EFR3A: variants seen among roughly 807,000 people sequenced by gnomAD.
The protein encoded by EFR3A is EFR3 homolog A, also known as protein EFR3 homolog A.
A neutral mutation model predicts 104.4 loss-of-function variants in EFR3A; 76 were observed. The observed-to-expected ratio is 0.73, with a 90% confidence interval of 0.60 to 0.88. The LOEUF (loss-of-function observed/expected upper bound fraction) is 0.88. Among genes scored for constraint, EFR3A ranks in the 40% least tolerant of loss-of-function variants. The pLI is 0.00. For synonymous variants in EFR3A, 330 were observed against 330.0 expected (o/e 1.00, Z 0.00); for missense variants, 985 against 1,012.5 (o/e 0.97, Z 0.37).
In EFR3A at chr8:131,970,548, A is replaced by G. The variant is rs1819990930; in HGVS notation, c.1064A>G (p.Asp355Gly). 3.1e-6 allele frequency: 5 copies of G among 1,613,902 alleles called. No individual in the cohort carries two copies. The East Asian group carries it at 1.1e-4, about 36-fold the overall frequency. ...LRLSVEFEAN[D>G]LQGGSVGSVN... ...CTCAGCGTTGAATTCGAAGCAAATG[A>G]TTTACAGGGGGGATCTGTAGGCAGT... Residue 355 changes from aspartate to glycine, a missense_variant, in exon 10 of 23, where the codon GAT (aspartate) becomes GGT (glycine). By Grantham distance (94) the Asp-to-Gly change is moderately conservative. Coordinates refer to ENST00000254624, the MANE Select transcript of EFR3A (RefSeq NM_015137.6).
Position 132,011,907 on chromosome 8 carries a change from T to A in EFR3A, c.*1012T>A, listed in dbSNP as rs1328858524. The stretch of plus-strand genomic sequence containing the variant: ...CTTGTATACATCTGTTTAGAATCAA[T>A]TATATTTGAAAAGCTGCCTGTGTTT... On this transcript the variant is annotated 3_prime_UTR_variant, in exon 23 of 23. Coordinates refer to ENST00000254624, the MANE Select transcript of EFR3A (RefSeq NM_015137.6). 6.6e-6 allele frequency: 1 copy of A among 152,196 alleles called. No individual in the cohort carries two copies. Among genetic ancestry groups the A allele is most frequent in the African/African-American group, 2.4e-5 (1 of 41,450 alleles). 9.4% of individuals were successfully genotyped at this position (152,196 alleles called of 1,614,324 possible).
Position 131,933,567 on chromosome 8 carries a change from G to C in EFR3A, c.11-6932G>C, listed in dbSNP as rs1040750197. On this transcript the variant is annotated intron_variant, in intron 1 of 22. Coordinates refer to ENST00000254624, the MANE Select transcript of EFR3A (RefSeq NM_015137.6). ...CAGAATAATATTTTCCAAAAGCTGG[G>C]ATTATTCTGTATTTTATTGCTCTTG... Among the ~76,000 whole-genome samples the C allele has an allele frequency of 1.4e-4, 21 of 152,042 alleles. No individual in the cohort carries two copies. In the Middle Eastern group the frequency reaches 0.01, roughly 74 times the overall value.
intron 18 of EFR3A, among the ~76,000 whole-genome samples, chr8:131,990,576 T>C (rs1187136212): frequency 6.6e-6 from 1 of 152,202 alleles, no homozygotes; most frequent in African/African-American, 2.4e-5. Context: ...TTGAACTCTG[T>C]TCTGAAGGCA....
In EFR3A at chr8:131,949,839, T is replaced by C; in HGVS notation, c.367-130T>C. 3.6e-6 allele frequency: 3 copies of C among 841,052 alleles called. No individual in the cohort carries two copies. In the South Asian group the frequency reaches 5.4e-5, roughly 15 times the overall value. The allele number at this position is 841,052 out of a possible 1,614,324, so 52.1% of individuals were successfully genotyped here. ...AGAAAGAAAGTTTCTTCTGTATTAA[T>C]GTTGTATTTGATGTTTTGTTTGTTA... On this transcript the variant is annotated intron_variant, in intron 4 of 22. Coordinates refer to ENST00000254624, the MANE Select transcript of EFR3A (RefSeq NM_015137.6).
intron 8 of EFR3A, among the ~76,000 whole-genome samples, chr8:131,965,016 T>G (rs1225829137): frequency 6.6e-6 from 1 of 152,120 alleles, no homozygotes; most frequent in Non-Finnish European, 1.5e-5. Flanking sequence ...TAGCCATATG[T>G]AGAAAGCTGA....
rs1311450210 is a variant in EFR3A at position 131,946,417 on chromosome 8, T to C, written c.216-66T>C. The C allele has an allele frequency of 1.6e-5, 22 of 1,364,978 alleles. No homozygotes were observed. In the East Asian group the frequency reaches 5.7e-4, roughly 35 times the overall value. 84.6% of individuals were successfully genotyped at this position (1,364,978 alleles called of 1,614,324 possible). A position where few individuals can be genotyped will look rare whatever the true frequency, so the allele number is the denominator to read the frequency against. On this transcript the variant is annotated intron_variant, in intron 3 of 22. Transcript: ENST00000254624. ...AATAGACTTATTTCAGTTCTTCCAA[T>C]GTAAAGCACTTAGGAGAATTAAGAG...
chr8:131,997,892 A>AT (rs1354276280), intron 19 of EFR3A, among the ~76,000 whole-genome samples: 6 of 152,096 alleles, frequency 3.9e-5, no homozygotes, highest in Non-Finnish European at 7.4e-5. Flanking sequence ...GTCTATTTTG[A>AT]TAAAATCAAC....
At chr8:131,917,625 A>T (rs914471645) in intron 1 of EFR3A, among the ~76,000 whole-genome samples, 1 of 152,252 alleles carries the variant, frequency 6.6e-6, no homozygotes, top group African/African-American at 2.4e-5. Flanking sequence ...AAGTATTTGC[A>T]TAGAGGTGAG....
At chr8:131,908,864 A>G (rs531548375) in intron 1 of EFR3A, among the ~76,000 whole-genome samples, 3 of 152,312 alleles carry the variant, frequency 2.0e-5, no homozygotes, top group Admixed American at 2.0e-4. Context: ...TTGATACATA[A>G]TATTTTCACA....
Position 132,012,038 on chromosome 8 carries a change from C to CAA in EFR3A, c.*1144_*1145insAA, listed in dbSNP as rs1408400185. On this transcript the variant is annotated 3_prime_UTR_variant, in exon 23 of 23. Coordinates refer to ENST00000254624, the MANE Select transcript of EFR3A (RefSeq NM_015137.6). ...TAACACTGACAGACCCATAACATTA[C>CAA]ATACATCTTAGTGAATTCTATCACA... 2 of 152,172 alleles carry CAA rather than the reference C, an allele frequency of 1.3e-5. No homozygotes were observed. Among genetic ancestry groups the CAA allele is most frequent in the African/African-American group, 4.8e-5 (2 of 41,446 alleles). The allele number at this position is 152,172 out of a possible 1,614,324, so 9.4% of individuals were successfully genotyped here. A position where few individuals can be genotyped will look rare whatever the true frequency, so the allele number is the denominator to read the frequency against.
chr8:131,979,527 T>C, intron 14 of EFR3A, 106 bp downstream of exon 14: 1 of 828,518 alleles, frequency 1.2e-6, no homozygotes, highest in Non-Finnish European at 1.9e-6. Context: ...CCATAGAATT[T>C]TGAATTTGAA....
At chr8:131,930,916 T>TAA (rs1426037940) in intron 1 of EFR3A, among the ~76,000 whole-genome samples, 2 of 152,180 alleles carry the variant, frequency 1.3e-5, no homozygotes, top group African/African-American at 4.8e-5. Context: ...TATTATAACT[T>TAA]ATCTATTGCA....
intron 2 of EFR3A, 184 bp downstream of exon 2, chr8:131,940,759 C>G (rs186415278): frequency 5.8e-6 from 6 of 1,036,726 alleles, no homozygotes; most frequent in East Asian, 2.8e-5. Context: ...GTCTAGTTTT[C>G]AGATCCTTTT....
chr8:131,993,726 A>G (rs1355140814), intron 18 of EFR3A, among the ~76,000 whole-genome samples: 3 of 152,010 alleles, frequency 2.0e-5, no homozygotes, highest in Non-Finnish European at 2.9e-5. Flanking sequence ...AAAATACCCC[A>G]TCTCTGCAAA....
intron 12 of EFR3A, among the ~76,000 whole-genome samples, chr8:131,977,345 A>C (rs1820375910): frequency 6.6e-6 from 1 of 152,162 alleles, no homozygotes; most frequent in African/African-American, 2.4e-5. Context: ...ATAGACGAAG[A>C]TACCTGGGCC....
At chr8:131,945,176 G>A (rs747379457) in intron 3 of EFR3A, among the ~76,000 whole-genome samples, 3 of 151,822 alleles carry the variant, frequency 2.0e-5, no homozygotes, top group Non-Finnish European at 4.4e-5. Context: ...TAGTCTATCA[G>A]TGCAATACTG....
rs2130584794 is a variant in EFR3A at position 131,946,542 on chromosome 8, G to A, written c.275G>A (p.Ser92Asn). 1.2e-6 allele frequency: 2 copies of A among 1,608,454 alleles called. No individual in the cohort carries two copies. The highest frequency in any genetic ancestry group is 1.1e-5 in the South Asian group (1 of 90,108). Reference sequence around the variant, plus strand: ...CTTCTCATGGCTTGCCATTCTCAAAGCATTAAGCCATTTGTAGAAAGCTTT... The same window carrying A: ...CTTCTCATGGCTTGCCATTCTCAAAACATTAAGCCATTTGTAGAAAGCTTT... Reference protein sequence around the residue: ...DQLLMACHSQSIKPFVESFLH... With the variant: ...DQLLMACHSQNIKPFVESFLH... The change falls in exon 4 of 23, where the codon AGC (serine) becomes AAC (asparagine). Residue 92 changes from serine to asparagine, a missense_variant. By Grantham distance (46) the Ser-to-Asn change is conservative. Coordinates refer to ENST00000254624, the MANE Select transcript of EFR3A (RefSeq NM_015137.6).
intron 9 of EFR3A, 38 bp downstream of exon 9, chr8:131,968,468 C>T (rs1819880994): frequency 5.6e-6 from 9 of 1,605,370 alleles, no homozygotes; most frequent in Non-Finnish European, 6.8e-6. Flanking sequence ...GTGCGTTGAT[C>T]TGGTTCAAAG....
At chr8:131,978,572 A>T (rs1820432684) in intron 12 of EFR3A, among the ~76,000 whole-genome samples, 2 of 152,092 alleles carry the variant, frequency 1.3e-5, no homozygotes, top group Non-Finnish European at 2.9e-5. Context: ...CCTTACAGGG[A>T]TATGGTGAGG....
Sources: gnomAD v4.1 joint callset for allele counts (sites outside exome capture counted in the v4.1 genomes callset) on GRCh38, gnomAD v4.1.1 for gene constraint, MANE v1.5 for transcripts, NCBI Gene and HGNC (gene_info 2026-07-23, HGNC 2026-07-21) for gene names.